The following UNC5D variants were observed in gnomAD, a reference collection of about 807,000 sequenced individuals.
The protein encoded by UNC5D is unc-5 netrin receptor D.
Under a neutral mutation model 105.4 loss-of-function variants are expected in UNC5D, and 39 were observed. The observed-to-expected ratio is 0.37, with a 90% CI of 0.29 to 0.48. The LOEUF is 0.48. UNC5D is among the 20% of genes least tolerant of loss of function. The probability of loss-of-function intolerance (pLI) is 0.98; values close to 1 mark genes in which losing one functional copy is unlikely to be tolerated. For missense variants in UNC5D, 991 were observed against 1,202.4 expected (o/e 0.82, Z 2.60); for synonymous variants, 452 against 450.4 (o/e 1.00, Z -0.04).
intron 4 of UNC5D, among the ~76,000 whole-genome samples, chr8:35,645,526 G>A (rs1368159964): frequency 7.3e-6 from 1 of 136,704 alleles, no homozygotes; most frequent in African/African-American, 3.5e-5. Context: ...ATGTGTGTGT[G>A]CTGTGTGTGT....
chr8:35,451,974 T>C (rs1387670816), intron 1 of UNC5D, among the ~76,000 whole-genome samples: 1 of 152,198 alleles, frequency 6.6e-6, no homozygotes, highest in Non-Finnish European at 1.5e-5. Flanking sequence ...TTCCCATGCC[T>C]AGGCAATAAG....
chr8:35,427,602 CAT>C (rs1806338661), intron 1 of UNC5D, among the ~76,000 whole-genome samples: 1 of 152,176 alleles, frequency 6.6e-6, no homozygotes, highest in Non-Finnish European at 1.5e-5. Flanking sequence ...GATGATGAAA[CAT>C]TGATAAAGTA....
Position 35,716,958 on chromosome 8 carries a change from ACCT to A in UNC5D, c.1118-5248_1118-5246del, listed in dbSNP as rs574208580. Among the ~76,000 whole-genome samples the A allele has an allele frequency of 3.9e-5, 6 of 152,146 alleles. 1 individual carries two copies. In the South Asian group the frequency reaches 1.2e-3, roughly 32 times the overall value. ...TGGCAGGGCACTTTGTATCAACACCACCTCCTGTGCTGAGGGTGCTTCCTGGGG... is the reference window on the plus strand; with the variant it reads ...TGGCAGGGCACTTTGTATCAACACCACCTGTGCTGAGGGTGCTTCCTGGGG... On this transcript the variant is annotated intron_variant, in intron 8 of 16. Coordinates refer to ENST00000404895, the MANE Select transcript of UNC5D (RefSeq NM_080872.4).
chr8:35,680,864 C>T (rs180993941), intron 4 of UNC5D, among the ~76,000 whole-genome samples: 30 of 152,282 alleles, frequency 2.0e-4, no homozygotes, highest in Non-Finnish European at 2.2e-4. Flanking sequence ...AAGAAGAGGA[C>T]AGCTGAGCGG....
At chr8:35,541,709 T>C (rs1815288164) in intron 1 of UNC5D, among the ~76,000 whole-genome samples, 1 of 149,112 alleles carries the variant, frequency 6.7e-6, no homozygotes, top group Non-Finnish European at 1.5e-5. Flanking sequence ...AATTTAAGCA[T>C]GCTTGTCATA....
rs369056667 is a variant in UNC5D at position 35,614,564 on chromosome 8, T to TA, written c.570+18917dup. Reference sequence around the variant, plus strand: ...ATTATAATAGAAAACTAATACACTCTAAAAAAAAAAGTGAGTTTTACTAGT... The same window carrying TA: ...ATTATAATAGAAAACTAATACACTCTAAAAAAAAAAAGTGAGTTTTACTAGT... On this transcript the variant is annotated intron_variant, in intron 4 of 16. Transcript: ENST00000404895. Among the ~76,000 whole-genome samples the TA allele has an allele frequency of 3.7e-3, 546 of 146,066 alleles. 5 individuals are homozygous for TA. Among genetic ancestry groups the TA allele is most frequent in the African/African-American group, 0.012 (494 of 39,988 alleles).
chr8:35,762,061 T>G (rs1297506829), intron 14 of UNC5D, among the ~76,000 whole-genome samples: 3 of 152,134 alleles, frequency 2.0e-5, no homozygotes, highest in African/African-American at 7.2e-5. Context: ...AATTGGTGAA[T>G]CTCCCTTTCT....
At chr8:35,288,712 A>G (rs1043957159) in intron 1 of UNC5D, among the ~76,000 whole-genome samples, 17 of 152,188 alleles carry the variant, frequency 1.1e-4, no homozygotes, top group African/African-American at 3.9e-4. Context: ...TCAATATCAT[A>G]AAAGTTGTTG....
intron 4 of UNC5D, among the ~76,000 whole-genome samples, chr8:35,682,592 A>G (rs1825741523): frequency 2.0e-5 from 3 of 152,180 alleles, no homozygotes; most frequent in Admixed American, 2.0e-4. Flanking sequence ...TTAGACATGG[A>G]AGCAGAGAGT....
At chr8:35,679,445 T>G (rs540346333) in intron 4 of UNC5D, among the ~76,000 whole-genome samples, 2 of 152,230 alleles carry the variant, frequency 1.3e-5, no homozygotes, top group Non-Finnish European at 2.9e-5. Flanking sequence ...GGCAGAGGAA[T>G]CAGTAGGTAT....
chr8:35,565,972 C>G (rs1817307949), intron 2 of UNC5D, among the ~76,000 whole-genome samples: 3 of 152,180 alleles, frequency 2.0e-5, no homozygotes, highest in African/African-American at 7.2e-5. Flanking sequence ...CATATTTCTT[C>G]TTTCATTAAA....
intron 1 of UNC5D, among the ~76,000 whole-genome samples, chr8:35,440,688 T>A (rs1807336831): frequency 6.6e-6 from 1 of 151,976 alleles, no homozygotes; most frequent in Non-Finnish European, 1.5e-5. Flanking sequence ...ATTTTAGACA[T>A]GAATATTAAT....
Position 35,428,275 on chromosome 8 carries a change from G to A in UNC5D, c.104-121017G>A, listed in dbSNP as rs186107308. 2.3e-4 allele frequency among the ~76,000 whole-genome samples: 35 copies of A among 151,170 alleles called. 1 individual carries two copies. The East Asian group carries it at 6.6e-3, about 29-fold the overall frequency. On this transcript the variant is annotated intron_variant, in intron 1 of 16. Coordinates refer to ENST00000404895, the MANE Select transcript of UNC5D (RefSeq NM_080872.4). ...GCTCAAGGAGCCCTCCACCTCCAAGGGCTTAAGCAATCCTCCCACCTCAGT... is the reference window on the plus strand; with the variant it reads ...GCTCAAGGAGCCCTCCACCTCCAAGAGCTTAAGCAATCCTCCCACCTCAGT...
intron 1 of UNC5D, among the ~76,000 whole-genome samples, chr8:35,523,584 T>TC (rs1303640681): frequency 6.7e-6 from 1 of 150,268 alleles, no homozygotes; most frequent in East Asian, 1.9e-4. Context: ...TGCTCTTTTT[T>TC]TTTTTTTTTT....
At chr8:35,317,494 G>A (rs1394495149) in intron 1 of UNC5D, among the ~76,000 whole-genome samples, 6 of 152,128 alleles carry the variant, frequency 3.9e-5, no homozygotes, top group African/African-American at 7.2e-5. Flanking sequence ...AATTATAACA[G>A]TTTATCAGGA....
At chr8:35,416,937 A>T (rs965582396) in intron 1 of UNC5D, among the ~76,000 whole-genome samples, 20 of 152,070 alleles carry the variant, frequency 1.3e-4, no homozygotes, top group Non-Finnish European at 2.2e-4. Flanking sequence ...TTTATTTTTT[A>T]TTTTTATTTT....
chr8:35,580,253 G>A (rs937687671), intron 3 of UNC5D, among the ~76,000 whole-genome samples: 5 of 152,152 alleles, frequency 3.3e-5, no homozygotes, highest in African/African-American at 1.2e-4. Context: ...TTATGAGCCT[G>A]AATTTCAAGG....
At chr8:35,542,368 G>T (rs1815338054) in intron 1 of UNC5D, among the ~76,000 whole-genome samples, 1 of 152,146 alleles carries the variant, frequency 6.6e-6, no homozygotes, top group Non-Finnish European at 1.5e-5. Context: ...TATGTAACTT[G>T]GTTTTCCTGC....
intron 1 of UNC5D, among the ~76,000 whole-genome samples, chr8:35,249,625 G>A (rs1488621052): frequency 3.3e-5 from 5 of 150,792 alleles, no homozygotes; most frequent in Admixed American, 3.3e-4. Flanking sequence ...AAAAACTTCG[G>A]TTGCTTCTTC....
Sources: gnomAD v4.1 joint callset for allele counts (sites outside exome capture counted in the v4.1 genomes callset) on GRCh38, gnomAD v4.1.1 for gene constraint, MANE v1.5 for transcripts, NCBI Gene and HGNC (gene_info 2026-07-23, HGNC 2026-07-21) for gene names.